CTCFL: variants seen among roughly 807,000 people sequenced by gnomAD.
The protein encoded by CTCFL is transcriptional repressor CTCFL.
A neutral mutation model predicts 67.4 loss-of-function variants in CTCFL; 36 were observed. The ratio of observed to expected loss-of-function variants is 0.53; its 90% CI spans 0.41 to 0.71. The LOEUF (loss-of-function observed/expected upper bound fraction) is 0.71. Ranked by LOEUF, CTCFL falls within the 30% of genes least tolerant of loss-of-function variation. The pLI is 0.00. For synonymous variants in CTCFL, 324 were observed against 302.3 expected (o/e 1.07, Z -0.75); for missense variants, 786 against 835.2 (o/e 0.94, Z 0.73).
At position 57,523,275 on chromosome 20, in the gene CTCFL, C is replaced by G. The variant is rs771389647; in HGVS notation, c.547G>C (p.Glu183Gln). Residue 183 changes from glutamate (E) to glutamine (Q), a missense_variant, in exon 3 of 11, where the codon GAG becomes CAG. Coordinates refer to ENST00000243914, the MANE Select transcript of CTCFL (RefSeq NM_001386993.1). ...LAETTGLIKL[E>Q]EEQEKNQLLA... ...AACTGGTTCTTCTCCTGCTCTTCCTCGAGCTAATAAACAACAAATATTCAA... is the reference window on the plus strand; with the variant it reads ...AACTGGTTCTTCTCCTGCTCTTCCTGGAGCTAATAAACAACAAATATTCAA... 6 of 1,612,306 alleles carry G rather than the reference C, an allele frequency of 3.7e-6. No individual in the cohort carries two copies. In the East Asian group the frequency reaches 1.3e-4, roughly 36 times the overall value.
chr20:57,505,309 G>A (rs972860669), intron 9 of CTCFL, among the ~76,000 whole-genome samples: 1 of 151,674 alleles, frequency 6.6e-6, no homozygotes, highest in African/African-American at 2.4e-5. Flanking sequence ...AGGCTGGAGT[G>A]CAGTGGCACG....
At chr20:57,500,740 C>T (rs981037440) in intron 10 of CTCFL, among the ~76,000 whole-genome samples, 2 of 152,170 alleles carry the variant, frequency 1.3e-5, no homozygotes, top group Admixed American at 1.3e-4. Flanking sequence ...CAACTCTTCT[C>T]CATAGCAAAA....
chr20:57,497,544 G>T lies in CTCFL; in HGVS notation c.*1006C>A, dbSNP rs1831964631. On this transcript the variant is annotated 3_prime_UTR_variant, in exon 11 of 11. Transcript: ENST00000243914. ...GAAGAAAAATCTGCCTCTGTATCCA[G>T]ATAGAAATGAATTTCAAGTGTTAAA... The T allele has an allele frequency of 2.0e-6, 2 of 985,428 alleles. No homozygotes were observed. Among genetic ancestry groups the T allele is most frequent in the Non-Finnish European group, 2.4e-6 (2 of 829,918 alleles). 61.0% of individuals were successfully genotyped at this position (985,428 alleles called of 1,614,324 possible).
chr20:57,500,083 G>GTTTTTTTTT (rs142568316), intron 10 of CTCFL: 1 of 758,146 alleles, frequency 1.3e-6, no homozygotes, highest in African/African-American at 3.0e-5. Flanking sequence ...CTTCCTTGAA[G>GTTTTTTTTT]TATTTTTTTT....
At chr20:57,499,073 C>CGGGGGGGGGGGG (rs11475885) in intron 10 of CTCFL, among the ~76,000 whole-genome samples, 1 of 65,340 alleles carries the variant, frequency 1.5e-5, no homozygotes, top group African/African-American at 4.5e-5. Context: ...CTGAAGGTGA[C>CGGGGGGGGGGGG]GGGGGGGGGG....
intron 9 of CTCFL, among the ~76,000 whole-genome samples, chr20:57,504,015 C>T (rs967078231): frequency 5.3e-5 from 8 of 152,098 alleles, no homozygotes; most frequent in Admixed American, 1.3e-4. Flanking sequence ...TTGGGGCACT[C>T]GCCCAGGCTG....
At chr20:57,503,724 T>C (rs2068037737) in intron 9 of CTCFL, 123 bp from the exon 10 acceptor site, 12 of 936,948 alleles carry the variant, frequency 1.3e-5, no homozygotes, top group Non-Finnish European at 1.9e-5. Context: ...CGAGGGCAAT[T>C]CCACACACCT....
chr20:57,508,553 TGAG>T, intron 9 of CTCFL, 50 bp downstream of exon 9: 2 of 1,553,628 alleles, frequency 1.3e-6, no homozygotes, highest in South Asian at 2.3e-5. Flanking sequence ...ACTGTCCTCC[TGAG>T]ATAGAGGGAT....
Position 57,518,766 on chromosome 20 carries a change from T to C in CTCFL, c.1051A>G (p.Ser351Gly), listed in dbSNP as rs536770951. The stretch of plus-strand genomic sequence containing the variant: ...TCCAAGAATGGCTTTACCTCCACAC[T>C]GGCATACTTGCACATGGAACATTTA... ...PFKCSMCKYA[S>G]VEASKLKRHV... Residue 351 changes from serine (S) to glycine (G), a missense_variant, in exon 5 of 11, where the codon AGT (serine) becomes GGT (glycine). Ser to Gly is a moderately conservative substitution (Grantham distance 56). This residue lies in a region of CTCFL where 254 missense variants were observed against 333.9 expected (regional missense o/e 0.76). Transcript: ENST00000243914. 2 of 1,614,170 alleles carry C rather than the reference T, an allele frequency of 1.2e-6. No individual in the cohort carries two copies. Among genetic ancestry groups the C allele is most frequent in the Admixed American group, 1.7e-5 (1 of 60,022 alleles).
intron 1 of CTCFL, chr20:57,524,772 C>T: frequency 1.0e-6 from 1 of 987,142 alleles, no homozygotes; most frequent in Non-Finnish European, 1.2e-6. Context: ...AGGCTTTGGG[C>T]CTAGTGGCCT....
chr20:57,524,862 TACCCTGCCCCCCAC>T (rs1256111337), intron 1 of CTCFL, 152 bp downstream of exon 1: 34 of 645,300 alleles, frequency 5.3e-5, no homozygotes, highest in Non-Finnish European at 6.5e-5. Flanking sequence ...GCCCCTGCTT[TACCCTGCCCCCCAC>T]GCCCCGCCCC....
chr20:57,503,604 G>A lies in CTCFL; in HGVS notation c.1675-3C>T, dbSNP rs780140378. 6.2e-7 allele frequency: 1 copy of A among 1,614,010 alleles called. No individual in the cohort carries two copies. Among genetic ancestry groups the A allele is most frequent in the South Asian group, 1.1e-5 (1 of 91,072 alleles). ...TCCGAATGTCTGTGCAGGTTAATCTGTCGGAGAATTGACACAGAACACACA... is the reference window on the plus strand; with the variant it reads ...TCCGAATGTCTGTGCAGGTTAATCTATCGGAGAATTGACACAGAACACACA... On this transcript the variant is annotated splice_polypyrimidine_tract_variant and splice_region_variant and intron_variant, in intron 9 of 10. Transcript: ENST00000243914.
chr20:57,518,786 C>T lies in CTCFL; in HGVS notation c.1031G>A (p.Cys344Tyr), dbSNP rs1166796904. The change falls in exon 5 of 11, where the codon TGT becomes TAT. Residue 344 changes from cysteine to tyrosine, a missense_variant. Cys to Tyr is a radical substitution (Grantham distance 194, BLOSUM62 -2). This residue lies in a region of CTCFL where 254 missense variants were observed against 333.9 expected (regional missense o/e 0.76). Coordinates refer to ENST00000243914, the MANE Select transcript of CTCFL (RefSeq NM_001386993.1). ...CACACTGGCATACTTGCACATGGAACATTTAAAGGGTTTCTCATGAGTATG... is the reference window on the plus strand; with the variant it reads ...CACACTGGCATACTTGCACATGGAATATTTAAAGGGTTTCTCATGAGTATG... ...YKHTHEKPFK[C>Y]SMCKYASVEA... The T allele has an allele frequency of 6.2e-7, 1 of 1,614,164 alleles. No homozygotes were observed.
At chr20:57,513,826 A>G in intron 7 of CTCFL, 6 of 1,288,718 alleles carry the variant, frequency 4.7e-6, no homozygotes, top group Non-Finnish European at 6.1e-6. Context: ...AGTGTCATAT[A>G]TTTTGGAAAG....
Position 57,523,609 on chromosome 20 carries a change from G to A in CTCFL, c.543+54C>T, listed in dbSNP as rs1371028253. 12 of 1,559,490 alleles carry A rather than the reference G, an allele frequency of 7.7e-6. No individual in the cohort carries two copies. The Admixed American group carries it at 1.3e-4, about 17-fold the overall frequency. On this transcript the variant is annotated intron_variant, in intron 2 of 10. Transcript: ENST00000243914. ...CCAGACATAATATTGCATAAAAGCC[G>A]ACTTGAATTTTTTCTTTTTCATGTA...
chr20:57,506,914 C>A, intron 9 of CTCFL: 1 of 985,308 alleles, frequency 1.0e-6, no homozygotes, highest in Non-Finnish European at 1.2e-6. Context: ...GGTTGACATT[C>A]CAGAACTATC....
At chr20:57,524,275 G>A (rs2069677270) in intron 1 of CTCFL, 59 bp from the exon 2 acceptor site, 9 of 1,534,376 alleles carry the variant, frequency 5.9e-6, no homozygotes, top group Middle Eastern at 1.9e-4. Flanking sequence ...GTATGAGGAG[G>A]GATGCGGGGG....
At position 57,524,092 on chromosome 20, in the gene CTCFL, C is replaced by T. The variant is rs777408476; in HGVS notation, c.114G>A (p.Glu38=). 5.0e-6 allele frequency: 8 copies of T among 1,613,684 alleles called. No individual in the cohort carries two copies. In the African/African-American group the frequency reaches 9.3e-5, roughly 19 times the overall value. ...KEEEKDGVCR[E]KDHRSPSELE... is the part of the protein sequence containing the mutation. Reference sequence around the variant, plus strand: ...ACTCACTAGGGCTCCGATGGTCTTTCTCTCTGCACACTCCGTCTTTTTCCT... The same window carrying T: ...ACTCACTAGGGCTCCGATGGTCTTTTTCTCTGCACACTCCGTCTTTTTCCT... Residue 38 remains glutamate (E), a synonymous_variant, in exon 2 of 11, where the codon GAG becomes GAA. Transcript: ENST00000243914.
intron 7 of CTCFL, chr20:57,513,493 T>C (rs1172342915): frequency 1.0e-6 from 1 of 1,003,474 alleles, no homozygotes; most frequent in Middle Eastern, 5.1e-4. Flanking sequence ...AATGTGTTTA[T>C]AAAGCATCTT....
Sources: allele counts gnomAD v4.1 joint callset (sites outside exome capture counted in the v4.1 genomes callset), GRCh38; gene constraint gnomAD v4.1.1; regional missense constraint gnomAD v4.1.1; transcripts MANE v1.5; gene names NCBI Gene and HGNC (gene_info 2026-07-23, HGNC 2026-07-21).